SNTB2: variants seen among roughly 807,000 people sequenced by gnomAD.
SNTB2 encodes the protein syntrophin beta 2.
SNTB2 carries 34 observed loss-of-function variants against 46.2 expected under a neutral mutation model. The observed-to-expected ratio is 0.74, with a 90% CI of 0.56 to 0.98. The LOEUF (loss-of-function observed/expected upper bound fraction) is 0.98. Ranked by LOEUF, SNTB2 falls within the 50% of genes least tolerant of loss-of-function variation. The pLI is 0.00. For synonymous variants in SNTB2, 290 were observed against 312.6 expected, an observed-to-expected ratio of 0.93 and a Z score of 0.76; for missense variants, 603 against 731.4, an observed-to-expected ratio of 0.82 and a Z score of 2.02.
chr16:69,197,354 A>G (rs563387443), intron 1 of SNTB2, among the ~76,000 whole-genome samples: 2 of 152,330 alleles, frequency 1.3e-5, no homozygotes, highest in South Asian at 2.1e-4. Flanking sequence ...GGGGAAAGGC[A>G]TGTCTAGAGA....
At position 69,295,507 on chromosome 16, in the gene SNTB2, C is replaced by T. The variant is rs1965215164; in HGVS notation, c.1346-4083C>T. On this transcript the variant is annotated intron_variant, in intron 5 of 6. Coordinates refer to ENST00000336278, the MANE Select transcript of SNTB2 (RefSeq NM_006750.4). ...TTGTGATCCACCCGCCTTGGCCTCC[C>T]AAAGTGCTGGGATTACAGGCGTGAG... Among the ~76,000 whole-genome samples the T allele has an allele frequency of 2.0e-5, 3 of 152,098 alleles. No homozygotes were observed. In the South Asian group the frequency reaches 6.2e-4, roughly 32 times the overall value.
chr16:69,225,147 A>G (rs983109498), intron 1 of SNTB2, among the ~76,000 whole-genome samples: 3 of 152,236 alleles, frequency 2.0e-5, no homozygotes, highest in Non-Finnish European at 4.4e-5. Context: ...GATTTCTTTT[A>G]TACAAAAAAG....
chr16:69,220,091 T>G (rs1964386212), intron 1 of SNTB2, among the ~76,000 whole-genome samples: 3 of 151,624 alleles, frequency 2.0e-5, no homozygotes, highest in African/African-American at 7.3e-5. Flanking sequence ...ATAACTTACT[T>G]AAGCCTCTTG....
At chr16:69,198,378 G>C (rs1264086848) in intron 1 of SNTB2, among the ~76,000 whole-genome samples, 1 of 152,074 alleles carries the variant, frequency 6.6e-6, no homozygotes. Context: ...CAAAGTGCTG[G>C]GATTACAGAT....
chr16:69,291,918 G>C (rs544766630), intron 5 of SNTB2, among the ~76,000 whole-genome samples: 24 of 151,374 alleles, frequency 1.6e-4, no homozygotes, highest in African/African-American at 5.8e-4. Flanking sequence ...GTAAGACCCT[G>C]TCTTAAAAAT....
At chr16:69,206,968 T>C (rs1387743578) in intron 1 of SNTB2, among the ~76,000 whole-genome samples, 2 of 151,728 alleles carry the variant, frequency 1.3e-5, no homozygotes, top group East Asian at 3.9e-4. Flanking sequence ...GGTTTCACCA[T>C]GTTGGCCAGG....
chr16:69,258,698 A>G (rs1315297733), intron 2 of SNTB2, among the ~76,000 whole-genome samples: 1 of 136,596 alleles, frequency 7.3e-6, no homozygotes, highest in Non-Finnish European at 1.5e-5. Flanking sequence ...TGCAACCTCC[A>G]GCTCCTGGGT....
chr16:69,254,542 A>G (rs1964754959), intron 2 of SNTB2, among the ~76,000 whole-genome samples: 1 of 152,244 alleles, frequency 6.6e-6, no homozygotes, highest in Non-Finnish European at 1.5e-5. Context: ...CACAATCCAT[A>G]AAGAAAAAAC....
At chr16:69,231,840 T>G (rs1223115693) in intron 1 of SNTB2, among the ~76,000 whole-genome samples, 2 of 152,176 alleles carry the variant, frequency 1.3e-5, no homozygotes, top group Non-Finnish European at 2.9e-5. Flanking sequence ...TAAAACATTT[T>G]TTATAAAAAA....
chr16:69,221,295 A>G (rs909154761), intron 1 of SNTB2, among the ~76,000 whole-genome samples: 3 of 152,194 alleles, frequency 2.0e-5, no homozygotes, highest in Admixed American at 6.6e-5. Flanking sequence ...CATTGCTTCT[A>G]CAATGTAATA....
intron 3 of SNTB2, among the ~76,000 whole-genome samples, chr16:69,268,683 A>G (rs1372282233): frequency 6.6e-6 from 1 of 151,520 alleles, no homozygotes; most frequent in East Asian, 2.0e-4. Flanking sequence ...TGGGCAATAC[A>G]GTGAAACCCC....
rs749746450 is a variant in SNTB2, at chr16:69,187,202, G to C, written c.36G>C (p.Ala12=). 6 of 1,401,600 alleles carry C rather than the reference G, an allele frequency of 4.3e-6. No homozygotes were observed. The African/African-American group carries it at 7.4e-5, about 17-fold the overall frequency. 86.8% of individuals were successfully genotyped at this position (1,401,600 alleles called of 1,614,324 possible). A position where few individuals can be genotyped will look rare whatever the true frequency, so the allele number is the denominator to read the frequency against. The change falls in exon 1 of 7, where the codon GCG becomes GCC. Residue 12 remains alanine (A), a synonymous_variant. Coordinates refer to ENST00000336278, the MANE Select transcript of SNTB2 (RefSeq NM_006750.4). ...CTGCGGCGACTGCGGCGGCTGGAGC[G>C]GGGCCGGCCATGGCGGTGTGGACGC... is the stretch of plus-strand genomic sequence containing the variant. ...RVAAATAAAG[A]GPAMAVWTRA... is the part of the protein sequence containing the mutation.
intron 4 of SNTB2, among the ~76,000 whole-genome samples, chr16:69,280,342 T>C (rs1406602650): frequency 1.3e-5 from 2 of 152,184 alleles, no homozygotes; most frequent in Admixed American, 6.5e-5. Context: ...AAAACCGCCA[T>C]TGTCATCATG....
At chr16:69,281,288 A>G (rs1422302112) in intron 4 of SNTB2, among the ~76,000 whole-genome samples, 5 of 150,396 alleles carry the variant, frequency 3.3e-5, no homozygotes, top group African/African-American at 7.3e-5. Flanking sequence ...CTGGAGTGCA[A>G]TGGCGCGATC....
intron 1 of SNTB2, among the ~76,000 whole-genome samples, chr16:69,231,313 A>C (rs1330146632): frequency 3.3e-5 from 5 of 152,046 alleles, no homozygotes; most frequent in Admixed American, 6.6e-5. Context: ...TGGCCCGCGG[A>C]CGAGGTGGCT....
At chr16:69,263,062 C>T (rs2143097620) in intron 3 of SNTB2, among the ~76,000 whole-genome samples, 1 of 151,920 alleles carries the variant, frequency 6.6e-6, no homozygotes, top group East Asian at 1.9e-4. Context: ...CTCACTTTCC[C>T]CATCTACCCC....
chr16:69,281,937 C>G (rs1489656641), intron 4 of SNTB2, among the ~76,000 whole-genome samples: 1 of 142,660 alleles, frequency 7.0e-6, no homozygotes, highest in East Asian at 2.2e-4. Context: ...GGGAGTCTCG[C>G]TCTTGTTGCC....
At chr16:69,193,623 C>T (rs1180946069) in intron 1 of SNTB2, among the ~76,000 whole-genome samples, 3 of 152,068 alleles carry the variant, frequency 2.0e-5, no homozygotes, top group South Asian at 4.1e-4. Context: ...GCCACCATGT[C>T]CAGCCCAGAC....
rs989457476 is a variant in SNTB2 at position 69,228,471 on chromosome 16, A to C, written c.581-17131A>C. On this transcript the variant is annotated intron_variant, in intron 1 of 6. Transcript: ENST00000336278. ...CAGGGAGCTGAGATTATGCCACTGC[A>C]CTCCAACCTGGGCAACAGGGTGAGA... Among the ~76,000 whole-genome samples the C allele has an allele frequency of 4.1e-5, 6 of 145,414 alleles. No homozygotes were observed. The Admixed American group carries it at 4.3e-4, about 11-fold the overall frequency.
Sources: allele counts gnomAD v4.1 joint callset (sites outside exome capture counted in the v4.1 genomes callset), GRCh38; gene constraint gnomAD v4.1.1; transcripts MANE v1.5; gene names NCBI Gene and HGNC (gene_info 2026-07-23, HGNC 2026-07-21).